The following CADM2 variants were observed in gnomAD, a reference collection of about 807,000 sequenced individuals.
CADM2 encodes the protein cell adhesion molecule 2, also known as immunoglobulin superfamily member 4D.
In CADM2, 12 loss-of-function variants were observed where a neutral mutation model predicts 49.8. The ratio of observed to expected loss-of-function variants is 0.24; its 90% confidence interval spans 0.15 to 0.39. The LOEUF is 0.39. Ranked by LOEUF, CADM2 falls within the 10% of genes least tolerant of loss-of-function variation. The pLI, the probability that CADM2 is intolerant of heterozygous loss-of-function variation, is 1.00. For missense variants in CADM2, 378 were observed against 492.3 expected, an observed-to-expected ratio of 0.77 and a Z score of 2.20; for synonymous variants, 214 against 175.4, an observed-to-expected ratio of 1.22 and a Z score of -1.74.
chr3:85,175,162 A>G (rs2040744687), intron 1 of CADM2, among the ~76,000 whole-genome samples: 1 of 152,328 alleles, frequency 6.6e-6, no homozygotes, highest in East Asian at 1.9e-4. Flanking sequence ...GTATGTAAGG[A>G]TGCAGAGATA....
intron 6 of CADM2, among the ~76,000 whole-genome samples, chr3:85,932,670 A>C (rs1720746762): frequency 6.6e-6 from 1 of 152,104 alleles, no homozygotes; most frequent in Non-Finnish European, 1.5e-5. Context: ...TTGTCAAGGA[A>C]ATCTAGGGAA....
chr3:85,054,398 A>G (rs912605624), intron 1 of CADM2, among the ~76,000 whole-genome samples: 1 of 151,886 alleles, frequency 6.6e-6, no homozygotes, highest in African/African-American at 2.4e-5. Flanking sequence ...AATTCTGGAA[A>G]TATGATTGGG....
intron 1 of CADM2, among the ~76,000 whole-genome samples, chr3:85,579,405 G>C (rs2062730157): frequency 6.6e-6 from 1 of 152,078 alleles, no homozygotes; most frequent in African/African-American, 2.4e-5. Flanking sequence ...CCATTTCTCA[G>C]ATGTGTGCAT....
intron 7 of CADM2, among the ~76,000 whole-genome samples, chr3:85,958,057 G>T (rs1192856273): frequency 6.6e-6 from 1 of 151,878 alleles, no homozygotes; most frequent in Non-Finnish European, 1.5e-5. Flanking sequence ...TCTGACAAAG[G>T]TCTAATATTT....
intron 3 of CADM2, among the ~76,000 whole-genome samples, chr3:85,870,135 T>G (rs1337484647): frequency 6.6e-6 from 1 of 152,182 alleles, no homozygotes; most frequent in Non-Finnish European, 1.5e-5. Flanking sequence ...CAGCACTGAC[T>G]TGGTATTTTC....
intron 1 of CADM2, among the ~76,000 whole-genome samples, chr3:85,149,393 T>C (rs1160220519): frequency 6.6e-6 from 1 of 152,084 alleles, no homozygotes; most frequent in East Asian, 1.9e-4. Flanking sequence ...AGGTATGCTT[T>C]TATAGCAGCA....
chr3:84,986,226 T>G (rs751195959), intron 1 of CADM2, among the ~76,000 whole-genome samples: 2 of 152,200 alleles, frequency 1.3e-5, no homozygotes, highest in East Asian at 1.9e-4. Flanking sequence ...TGCAAGACAT[T>G]AAATTTGTTC....
chr3:85,734,978 A>ATATGTG (rs1553675925), intron 2 of CADM2, among the ~76,000 whole-genome samples: 4 of 148,230 alleles, frequency 2.7e-5, no homozygotes, highest in East Asian at 2.0e-4. Flanking sequence ...AAATATATAT[A>ATATGTG]TGTGTGTGTG....
At position 85,771,817 on chromosome 3, in the gene CADM2, T is replaced by C. The variant is rs192775009; in HGVS notation, c.89-30230T>C. On this transcript the variant is annotated intron_variant, in intron 2 of 9. Coordinates refer to ENST00000383699, the MANE Select transcript of CADM2 (RefSeq NM_001167675.2). ...TCCATCTCTCTAGATGGCCGATCTA[T>C]AATGAGCTGAAGAAGGGATTTTGCT... is the stretch of plus-strand genomic sequence containing the variant. Among the ~76,000 whole-genome samples, 58 of 152,156 alleles carry C rather than the reference T, an allele frequency of 3.8e-4. No individual in the cohort carries two copies. In the East Asian group the frequency reaches 0.011, roughly 28 times the overall value.
chr3:85,469,599 A>G (rs889354964), intron 1 of CADM2, among the ~76,000 whole-genome samples: 1 of 152,222 alleles, frequency 6.6e-6, no homozygotes, highest in African/African-American at 2.4e-5. Flanking sequence ...GGGGAGAAAT[A>G]CAATTTAAGT....
chr3:85,163,319 A>G (rs973921588), intron 1 of CADM2, among the ~76,000 whole-genome samples: 43 of 152,188 alleles, frequency 2.8e-4, no homozygotes, highest in Middle Eastern at 3.4e-3. Flanking sequence ...AGACCTTTAA[A>G]ATTTGGTAAA....
intron 1 of CADM2, among the ~76,000 whole-genome samples, chr3:85,610,603 G>C (rs1357491107): frequency 6.6e-6 from 1 of 151,848 alleles, no homozygotes; most frequent in African/African-American, 2.4e-5. Context: ...TAATATTACA[G>C]AATCATCACC....
chr3:86,035,628 T>G (rs1159169101), intron 8 of CADM2, among the ~76,000 whole-genome samples: 7 of 152,118 alleles, frequency 4.6e-5, no homozygotes, highest in South Asian at 2.1e-4. Flanking sequence ...TCTCTCAAAT[T>G]CTGACCTTTT....
chr3:85,683,779 G>A (rs1353702059), intron 1 of CADM2, among the ~76,000 whole-genome samples: 1 of 152,212 alleles, frequency 6.6e-6, no homozygotes, highest in African/African-American at 2.4e-5. Context: ...AGTGCAAACA[G>A]TGGAAAAGTT....
chr3:85,053,988 G>A (rs1481134941), intron 1 of CADM2, among the ~76,000 whole-genome samples: 1 of 151,912 alleles, frequency 6.6e-6, no homozygotes, highest in Non-Finnish European at 1.5e-5. Context: ...TGTTAAAAGA[G>A]CAAAGTAATT....
chr3:85,986,748 G>A (rs965114146), intron 8 of CADM2, among the ~76,000 whole-genome samples: 2 of 152,012 alleles, frequency 1.3e-5, no homozygotes, highest in Admixed American at 6.6e-5. Context: ...TGAAAACAAG[G>A]TAGAAATGCT....
chr3:85,080,480 C>T (rs566547081), intron 1 of CADM2, among the ~76,000 whole-genome samples: 9 of 152,138 alleles, frequency 5.9e-5, no homozygotes, highest in South Asian at 2.1e-4. Flanking sequence ...ACATCAGATA[C>T]ATTATACATC....
intron 2 of CADM2, among the ~76,000 whole-genome samples, chr3:85,744,914 C>T (rs574785815): frequency 6.6e-6 from 1 of 152,164 alleles, no homozygotes; most frequent in Middle Eastern, 3.4e-3. Context: ...CATGCTCTGC[C>T]TTATGAATTT....
intron 1 of CADM2, among the ~76,000 whole-genome samples, chr3:85,588,931 A>G (rs1168214817): frequency 6.6e-6 from 1 of 152,064 alleles, no homozygotes; most frequent in Non-Finnish European, 1.5e-5. Context: ...AAGATGCATT[A>G]AATATTTCAC....
Sources: allele counts gnomAD v4.1 joint callset (sites outside exome capture counted in the v4.1 genomes callset), GRCh38; gene constraint gnomAD v4.1.1; transcripts MANE v1.5; gene names NCBI Gene and HGNC (gene_info 2026-07-23, HGNC 2026-07-21).